MRPS27: variants seen among roughly 807,000 people sequenced by gnomAD.
MRPS27 encodes the protein small ribosomal subunit protein mS27.
MRPS27 carries 43 observed loss-of-function variants against 48.9 expected under a neutral mutation model. The ratio of observed to expected loss-of-function variants is 0.88; its 90% CI spans 0.69 to 1.13. The LOEUF is 1.13. MRPS27 is among the 50% of genes most tolerant of loss of function. The pLI, the probability that MRPS27 is intolerant of heterozygous loss-of-function variation, is 0.00. For missense variants in MRPS27, 467 were observed against 476.3 expected, an observed-to-expected ratio of 0.98 and a Z score of 0.18; for synonymous variants, 188 against 171.9, an observed-to-expected ratio of 1.09 and a Z score of -0.73.
At chr5:72,272,021 T>TAAACAAACAAAC (rs549069349) in intron 4 of MRPS27, among the ~76,000 whole-genome samples, 5 of 151,554 alleles carry the variant, frequency 3.3e-5, no homozygotes, top group African/African-American at 1.2e-4. Flanking sequence ...TTTTCCCCTC[T>TAAACAAACAAAC]AAACAAACAA....
chr5:72,228,647 A>G (rs900296214), intron 7 of MRPS27: 1 of 283,000 alleles, frequency 3.5e-6, no homozygotes, highest in Admixed American at 5.1e-5. Flanking sequence ...ATTTTCCAAA[A>G]ATTTGGCAAT....
In MRPS27 at chr5:72,231,782, C is replaced by T. The variant is rs148336513; in HGVS notation, c.591+661G>A. ...CAGATGGCAGAGGCAGACTAACTGG[C>T]TTTACCAGGTGGCTTCGTTACCTAC... On this transcript the variant is annotated intron_variant, in intron 7 of 10. Coordinates refer to ENST00000261413, the MANE Select transcript of MRPS27 (RefSeq NM_015084.3). Among the ~76,000 whole-genome samples, 120 of 152,256 alleles carry T rather than the reference C, an allele frequency of 7.9e-4. 1 individual carries two copies. In the East Asian group the frequency reaches 0.022, roughly 28 times the overall value.
chr5:72,232,599 T>C (rs1485724288), intron 6 of MRPS27, 41 bp from the exon 7 acceptor site: 5 of 1,334,548 alleles, frequency 3.7e-6, no homozygotes, highest in Admixed American at 1.8e-5. Context: ...AAATTAGTTG[T>C]AGGTAATATT....
At chr5:72,312,430 G>T (rs1561366117) in intron 2 of MRPS27, among the ~76,000 whole-genome samples, 1 of 150,760 alleles carries the variant, frequency 6.6e-6, no homozygotes, top group Admixed American at 6.6e-5. Context: ...GAATTTGCCA[G>T]TATACCGCAT....
At chr5:72,287,196 A>T (rs1294538226) in intron 4 of MRPS27, among the ~76,000 whole-genome samples, 1 of 151,994 alleles carries the variant, frequency 6.6e-6, no homozygotes. Flanking sequence ...TTCATCCCCA[A>T]ACCATCCCCA....
intron 1 of MRPS27, 31 bp from the exon 2 acceptor site, chr5:72,314,189 A>C: frequency 1.3e-6 from 2 of 1,516,098 alleles, no homozygotes; most frequent in Non-Finnish European, 1.8e-6. Context: ...TTCAACACAC[A>C]TGGTTTTACA....
At position 72,301,477 on chromosome 5, in the gene MRPS27, A is replaced by C. The variant is rs1186593990; in HGVS notation, c.152-3775T>G. Among the ~76,000 whole-genome samples the C allele has an allele frequency of 2.0e-5, 3 of 152,236 alleles. No individual in the cohort carries two copies. The East Asian group carries it at 5.8e-4, about 29-fold the overall frequency. Reference sequence around the variant, plus strand: ...AATTACCTCCCTCTACCTGAAATTTACAATTTAACTTAAAATAGCAAGATC... The same window carrying C: ...AATTACCTCCCTCTACCTGAAATTTCCAATTTAACTTAAAATAGCAAGATC... On this transcript the variant is annotated intron_variant, in intron 2 of 10. Transcript: ENST00000261413.
Position 72,234,168 on chromosome 5 carries a change from A to C in MRPS27, c.426T>G (p.Phe142Leu), listed in dbSNP as rs751112784. ...KVQYGIFPDNFTFNLLMDSFI... is the reference protein window; with the variant it reads ...KVQYGIFPDNLTFNLLMDSFI... ...AAGAATCCATCAGTAAATTGAATGT[A>C]AAGTTATCTGGAAAAATTCCATATT... Residue 142 changes from phenylalanine (F) to leucine (L), a missense_variant, in exon 6 of 11, where the codon TTT becomes TTG. Physicochemically the swap from Phe to Leu is conservative, Grantham distance 22. Coordinates refer to ENST00000261413, the MANE Select transcript of MRPS27 (RefSeq NM_015084.3). The C allele has an allele frequency of 6.6e-7, 1 of 1,512,380 alleles. No individual in the cohort carries two copies. Among genetic ancestry groups the C allele is most frequent in the East Asian group, 2.5e-5 (1 of 39,412 alleles). The allele number at this position is 1,512,380 out of a possible 1,614,324, so 93.7% of individuals were successfully genotyped here.
chr5:72,275,018 G>A (rs1362592571), intron 4 of MRPS27, among the ~76,000 whole-genome samples: 1 of 152,180 alleles, frequency 6.6e-6, no homozygotes, highest in African/African-American at 2.4e-5. Flanking sequence ...AGCATTGGAA[G>A]TTCTGCCCAG....
chr5:72,315,382 C>A (rs1014753691), intron 1 of MRPS27, among the ~76,000 whole-genome samples: 4 of 151,778 alleles, frequency 2.6e-5, no homozygotes, highest in African/African-American at 9.7e-5. Context: ...CATGGTGAAA[C>A]CCCGTTTCTA....
chr5:72,221,475 G>C (rs1747739736), intron 10 of MRPS27, among the ~76,000 whole-genome samples: 1 of 152,082 alleles, frequency 6.6e-6, no homozygotes, highest in East Asian at 1.9e-4. Flanking sequence ...ACAGTAAATG[G>C]AACTCCATAT....
At chr5:72,299,798 A>G (rs1185399872) in intron 2 of MRPS27, among the ~76,000 whole-genome samples, 1 of 152,230 alleles carries the variant, frequency 6.6e-6, no homozygotes, top group Non-Finnish European at 1.5e-5. Flanking sequence ...TTTCAAATTT[A>G]CAATATCCTT....
At position 72,257,345 on chromosome 5, in the gene MRPS27, G is replaced by A. The variant is rs564899134; in HGVS notation, c.282-19217C>T. 2.0e-5 allele frequency among the ~76,000 whole-genome samples: 3 copies of A among 152,256 alleles called. No homozygotes were observed. In the East Asian group the frequency reaches 5.8e-4, roughly 29 times the overall value. On this transcript the variant is annotated intron_variant, in intron 4 of 10. Transcript: ENST00000261413. ...TCCTGCCTTTGGAGGGACCACAAGT[G>A]CTCAGATTATTTTTTCCTCTCTATA...
At chr5:72,308,925 G>A (rs1750360030) in intron 2 of MRPS27, among the ~76,000 whole-genome samples, 1 of 152,192 alleles carries the variant, frequency 6.6e-6, no homozygotes, top group African/African-American at 2.4e-5. Flanking sequence ...CATGTCAGAC[G>A]GAGAGGCAGG....
intron 7 of MRPS27, among the ~76,000 whole-genome samples, chr5:72,230,464 C>T (rs1329259928): frequency 3.9e-5 from 6 of 152,192 alleles, no homozygotes; most frequent in Non-Finnish European, 7.4e-5. Context: ...TAGTGCCTCC[C>T]GTGCCACTAA....
intron 1 of MRPS27, among the ~76,000 whole-genome samples, chr5:72,318,580 A>T (rs1303054069): frequency 6.6e-6 from 1 of 152,188 alleles, no homozygotes; most frequent in Non-Finnish European, 1.5e-5. Flanking sequence ...GGATCACCTG[A>T]GGTCAGGAGT....
intron 4 of MRPS27, among the ~76,000 whole-genome samples, chr5:72,269,555 TC>T (rs1157468396): frequency 1.3e-5 from 2 of 152,132 alleles, no homozygotes; most frequent in Non-Finnish European, 2.9e-5. Flanking sequence ...GAAAGGCAGA[TC>T]AGTGGAAGAG....
At chr5:72,260,073 C>G (rs1191180965) in intron 4 of MRPS27, among the ~76,000 whole-genome samples, 1 of 152,104 alleles carries the variant, frequency 6.6e-6, no homozygotes, top group Non-Finnish European at 1.5e-5. Flanking sequence ...ATTGTTTAAC[C>G]AGTTTAATAA....
At chr5:72,281,221 G>A (rs972805423) in intron 4 of MRPS27, among the ~76,000 whole-genome samples, 1 of 152,116 alleles carries the variant, frequency 6.6e-6, no homozygotes, top group Admixed American at 6.5e-5. Context: ...AAATTTTATT[G>A]AGCACTGACC....
Sources: gnomAD v4.1 joint callset for allele counts (sites outside exome capture counted in the v4.1 genomes callset) on GRCh38, gnomAD v4.1.1 for gene constraint, MANE v1.5 for transcripts, NCBI Gene and HGNC (gene_info 2026-07-23, HGNC 2026-07-21) for gene names.